CLASP1: variants seen among roughly 807,000 people sequenced by gnomAD.
CLASP1 encodes the protein cytoplasmic linker associated protein 1.
CLASP1 carries 38 observed loss-of-function variants against 192.3 expected under a neutral mutation model. That is an observed-to-expected ratio of 0.20 (90% CI 0.15 to 0.26). The LOEUF (loss-of-function observed/expected upper bound fraction) is 0.26, where lower values mean the gene tolerates loss of function less well. Among genes scored for constraint, CLASP1 ranks in the 10% least tolerant of loss-of-function variants. The probability of loss-of-function intolerance (pLI) is 1.00; values close to 1 mark genes in which losing one functional copy is unlikely to be tolerated. For missense variants in CLASP1, 1,433 were observed against 1,932.5 expected (o/e 0.74, Z 4.85); for synonymous variants, 691 against 712.8 (o/e 0.97, Z 0.49).
chr2:121,436,914 A>G (rs115411730), intron 19 of CLASP1, among the ~76,000 whole-genome samples: 1 of 152,036 alleles, frequency 6.6e-6, no homozygotes, highest in African/African-American at 2.4e-5. Context: ...TTAATTCATG[A>G]GTTCTCTCTT....
intron 1 of CLASP1, among the ~76,000 whole-genome samples, chr2:121,624,251 TCTTTTTTTAA>T (rs1463787196): frequency 6.6e-6 from 1 of 152,212 alleles, no homozygotes; most frequent in Non-Finnish European, 1.5e-5. Flanking sequence ...ACATCTTTCT[TCTTTTTTTAA>T]TACAAGCATT....
intron 29 of CLASP1, among the ~76,000 whole-genome samples, 156 bp from the exon 31 acceptor site, chr2:121,397,439 G>A (rs956055750): frequency 6.6e-6 from 1 of 152,164 alleles, no homozygotes; most frequent in Non-Finnish European, 1.5e-5. Flanking sequence ...TCCAACAGAG[G>A]AAAAAGCATG....
rs558743526 is a variant in CLASP1, at chr2:121,366,044, A to G, written c.3887-760T>C. Among the ~76,000 whole-genome samples the G allele has an allele frequency of 3.9e-5, 6 of 152,366 alleles. No individual in the cohort carries two copies. The East Asian group carries it at 1.2e-3, about 29-fold the overall frequency. ...GTTATTAGGAACTACTTAAATGTGT[A>G]TTTGCATACTTCTTTAGCTTCTAAG... On this transcript the variant is annotated intron_variant, in intron 35 of 39. Transcript: ENST00000263710.
exon 2 of CLASP1, chr2:121,605,918 A>G (rs762249630): frequency 6.2e-7 from 1 of 1,610,086 alleles, no homozygotes. Flanking sequence ...ATCCAGATCC[A>G]GCAAAAGCTA....
chr2:121,399,491 T>C (rs2075825174), intron 28 of CLASP1, among the ~76,000 whole-genome samples: 4 of 152,186 alleles, frequency 2.6e-5, no homozygotes, highest in Admixed American at 2.6e-4. Context: ...ACGCCATTGT[T>C]AGGCACAGGT....
chr2:121,426,573 T>C (rs78699973), intron 21 of CLASP1, among the ~76,000 whole-genome samples: 62 of 152,256 alleles, frequency 4.1e-4, no homozygotes, highest in Admixed American at 1.1e-3. Context: ...TCCCAACAGA[T>C]AGAACACATA....
At chr2:121,418,785 T>C in intron 22 of CLASP1, 56 bp from the exon 23 acceptor site, 2 of 1,217,512 alleles carry the variant, frequency 1.6e-6, no homozygotes, top group South Asian at 2.4e-5. Flanking sequence ...TGAAGACAGA[T>C]AAACTCACAA....
At chr2:121,526,940 T>C (rs552922023) in intron 5 of CLASP1, among the ~76,000 whole-genome samples, 1 of 152,278 alleles carries the variant, frequency 6.6e-6, no homozygotes, top group African/African-American at 2.4e-5. Context: ...CAATGAGGTA[T>C]TACTACACAC....
intron 8 of CLASP1, among the ~76,000 whole-genome samples, chr2:121,478,771 C>CA (rs2092090040): frequency 6.8e-5 from 3 of 44,240 alleles, no homozygotes; most frequent in African/African-American, 2.2e-4. Context: ...ACCACACACC[C>CA]CACACACACA....
chr2:121,558,280 T>C (rs924434257), intron 2 of CLASP1, among the ~76,000 whole-genome samples: 3 of 152,034 alleles, frequency 2.0e-5, no homozygotes, highest in Admixed American at 2.0e-4. Flanking sequence ...TAGAAACCAC[T>C]AATCTAAAAT....
intron 7 of CLASP1, among the ~76,000 whole-genome samples, chr2:121,510,324 C>T (rs903742877): frequency 2.0e-5 from 3 of 152,112 alleles, no homozygotes; most frequent in Non-Finnish European, 2.9e-5. Context: ...AGAGCAAAGG[C>T]TCAAATTAAT....
At chr2:121,562,332 C>T (rs915322948) in intron 2 of CLASP1, among the ~76,000 whole-genome samples, 2 of 152,218 alleles carry the variant, frequency 1.3e-5, no homozygotes, top group African/African-American at 4.8e-5. Context: ...CTTCAGAGGA[C>T]TTGGGGAACT....
At chr2:121,517,858 C>CTTTTTTT (rs70954553) in intron 6 of CLASP1, among the ~76,000 whole-genome samples, 321 of 30,820 alleles carry the variant, frequency 0.01, 47 homozygotes, top group African/African-American at 0.028. Flanking sequence ...AAGACTCAAG[C>CTTTTTTT]TTTTTTTTTT....
At chr2:121,560,556 A>G (rs2058979903) in intron 2 of CLASP1, among the ~76,000 whole-genome samples, 1 of 152,182 alleles carries the variant, frequency 6.6e-6, no homozygotes, top group African/African-American at 2.4e-5. Flanking sequence ...TCTTCTGTCT[A>G]GGTTTTCTCT....
chr2:121,623,944 G>C (rs1213663831), intron 1 of CLASP1, among the ~76,000 whole-genome samples: 1 of 152,088 alleles, frequency 6.6e-6, no homozygotes, highest in Non-Finnish European at 1.5e-5. Context: ...TAACTTGTTG[G>C]CATAAAATGG....
intron 8 of CLASP1, among the ~76,000 whole-genome samples, chr2:121,494,231 A>C (rs2093437342): frequency 6.6e-6 from 1 of 152,230 alleles, no homozygotes; most frequent in South Asian, 2.1e-4. Flanking sequence ...GAATAAAGAA[A>C]ATGCGATGCC....
chr2:121,420,608 T>C (rs1645785821), intron 22 of CLASP1, among the ~76,000 whole-genome samples: 1 of 152,196 alleles, frequency 6.6e-6, no homozygotes, highest in African/African-American at 2.4e-5. Context: ...ATAATGCACA[T>C]ACATAAGTAT....
intron 34 of CLASP1, among the ~76,000 whole-genome samples, chr2:121,376,242 C>CA (rs1300212424): frequency 1.3e-5 from 2 of 152,168 alleles, no homozygotes; most frequent in Non-Finnish European, 2.9e-5. Context: ...TTTGTTATAG[C>CA]ACTATTCACA....
At chr2:121,378,787 C>T (rs569207763) in intron 33 of CLASP1, among the ~76,000 whole-genome samples, 2 of 152,162 alleles carry the variant, frequency 1.3e-5, no homozygotes, top group South Asian at 2.1e-4. Flanking sequence ...TGTAAGCATG[C>T]AACACTGTTT....
Sources: gnomAD v4.1 joint callset for allele counts (sites outside exome capture counted in the v4.1 genomes callset) on GRCh38, gnomAD v4.1.1 for gene constraint, MANE v1.5 for transcripts, NCBI Gene and HGNC (gene_info 2026-07-23, HGNC 2026-07-21) for gene names.